ENOX1: variants seen among roughly 807,000 people sequenced by gnomAD.
ENOX1 encodes the protein ecto-NOX disulfide-thiol exchanger 1, also known as candidate growth-related and time keeping constitutive hydroquinone (NADH) oxidase.
ENOX1 carries 42 observed loss-of-function variants against 82.5 expected under a neutral mutation model. That is an observed-to-expected ratio of 0.51 (90% CI 0.40 to 0.66). The LOEUF is 0.66. ENOX1 is among the 30% of genes least tolerant of loss of function. The pLI, the probability that ENOX1 is intolerant of heterozygous loss-of-function variation, is 0.00. For synonymous variants in ENOX1, 271 were observed against 282.2 expected, an observed-to-expected ratio of 0.96 and a Z score of 0.40; for missense variants, 608 against 811.6, an observed-to-expected ratio of 0.75 and a Z score of 3.05.
intron 2 of ENOX1, among the ~76,000 whole-genome samples, chr13:43,562,133 A>G (rs1465560762): frequency 6.6e-6 from 1 of 152,166 alleles, no homozygotes. Context: ...TAGAAAGATG[A>G]AAAAATGAAC....
rs545292824 is a variant in ENOX1, at chr13:43,245,498, G to A, written c.1612-8760C>T. 7.9e-4 allele frequency among the ~76,000 whole-genome samples: 121 copies of A among 152,344 alleles called. 1 individual carries two copies. The highest frequency in any genetic ancestry group is 2.8e-3 in the African/African-American group (118 of 41,584). On this transcript the variant is annotated intron_variant, in intron 14 of 16. Transcript: ENST00000690772. ...ATGAGGAAAGGATTGATGAGCATGA[G>A]TGACTAAGCTTTAGAATTTTTTATG... is the stretch of plus-strand genomic sequence containing the variant.
In ENOX1 at chr13:43,734,199, G is replaced by GGTTGTT. The variant is rs143259339; in HGVS notation, c.-285+52447_-285+52452dup. Reference sequence around the variant, plus strand: ...GGAACTAAGAGACAATTTTGTTGTTGGTTGTTGTTGTTGTTGTTGTTGTTG... The same window carrying GGTTGTT: ...GGAACTAAGAGACAATTTTGTTGTTGGTTGTTGTTGTTGTTGTTGTTGTTGTTGTTG... On this transcript the variant is annotated intron_variant, in intron 1 of 16. Transcript: ENST00000690772. 4.0e-3 allele frequency among the ~76,000 whole-genome samples: 601 copies of GGTTGTT among 151,108 alleles called. 8 individuals are homozygous for GGTTGTT. The highest frequency in any genetic ancestry group is 0.014 in the African/African-American group (554 of 40,984).
rs964056373 is a variant in ENOX1 at position 43,720,430 on chromosome 13, C to T, written c.-284-52886G>A. 6.7e-4 allele frequency among the ~76,000 whole-genome samples: 102 copies of T among 152,300 alleles called. 1 individual carries two copies. Among genetic ancestry groups the T allele is most frequent in the Non-Finnish European group, 2.9e-4 (20 of 68,034 alleles). ...TCAAAATCACCTCCTTGAAAGTTTG[C>T]CCACTCTTCCCAGGTGCCCAAGCCC... On this transcript the variant is annotated intron_variant, in intron 1 of 16. Transcript: ENST00000690772.
intron 9 of ENOX1, among the ~76,000 whole-genome samples, chr13:43,330,900 A>G (rs746250072): frequency 2.6e-5 from 4 of 152,216 alleles, no homozygotes; most frequent in Admixed American, 6.5e-5. Context: ...AAACAAACCC[A>G]TAAGACTAAT....
chr13:43,344,548 A>C lies in ENOX1; in HGVS notation c.1026T>G (p.Ile342Met). ...CAAAATTTTACTTACATTGAGTGAGAATCCCAGTTAAGGCATTTTTAAAAT... is the reference window on the plus strand; with the variant it reads ...CAAAATTTTACTTACATTGAGTGAGCATCCCAGTTAAGGCATTTTTAAAAT... The part of the protein sequence containing the change: ...KENFKNALTG[I>M]LTQFEQIVAV... The change falls in exon 9 of 17, where the codon ATT becomes ATG. Residue 342 changes from isoleucine to methionine, a missense_variant. Transcript: ENST00000690772. 2 of 1,613,898 alleles carry C rather than the reference A, an allele frequency of 1.2e-6. No individual in the cohort carries two copies. The highest frequency in any genetic ancestry group is 1.7e-6 in the Non-Finnish European group (2 of 1,179,844).
At chr13:43,692,147 G>A (rs774188401) in intron 1 of ENOX1, among the ~76,000 whole-genome samples, 2 of 152,170 alleles carry the variant, frequency 1.3e-5, no homozygotes, top group Non-Finnish European at 2.9e-5. Context: ...AAGAGAACTT[G>A]ACCTAAGGAT....
chr13:43,739,511 T>C (rs560912120), intron 1 of ENOX1, among the ~76,000 whole-genome samples: 4 of 152,068 alleles, frequency 2.6e-5, no homozygotes, highest in East Asian at 1.9e-4. Context: ...ATAGCACCAC[T>C]GCACTCCAGC....
At chr13:43,732,269 C>T (rs1040883188) in intron 1 of ENOX1, among the ~76,000 whole-genome samples, 2 of 152,136 alleles carry the variant, frequency 1.3e-5, no homozygotes, top group African/African-American at 4.8e-5. Flanking sequence ...TGTTTTATGA[C>T]ACAAAAATTT....
At chr13:43,524,420 T>C (rs1258145243) in intron 2 of ENOX1, among the ~76,000 whole-genome samples, 4 of 152,094 alleles carry the variant, frequency 2.6e-5, no homozygotes, top group Non-Finnish European at 4.4e-5. Flanking sequence ...CAAATCCTTA[T>C]AGTCACTCTT....
At chr13:43,672,535 T>C (rs915642201) in intron 1 of ENOX1, among the ~76,000 whole-genome samples, 11 of 152,200 alleles carry the variant, frequency 7.2e-5, no homozygotes, top group African/African-American at 2.4e-4. Context: ...CTCTTTTTAA[T>C]GTCTTCTTTA....
chr13:43,628,722 T>C (rs898279974), intron 2 of ENOX1, among the ~76,000 whole-genome samples: 1 of 152,236 alleles, frequency 6.6e-6, no homozygotes, highest in Non-Finnish European at 1.5e-5. Context: ...TTGAACCTTA[T>C]TTAAACCTTC....
chr13:43,520,522 G>A (rs1489665127), intron 2 of ENOX1, among the ~76,000 whole-genome samples: 2 of 152,146 alleles, frequency 1.3e-5, no homozygotes, highest in African/African-American at 4.8e-5. Flanking sequence ...CTAGCTGGGT[G>A]GGGCCCAAAA....
At chr13:43,333,294 T>G (rs1329604946) in intron 9 of ENOX1, among the ~76,000 whole-genome samples, 1 of 152,232 alleles carries the variant, frequency 6.6e-6, no homozygotes, top group African/African-American at 2.4e-5. Context: ...AGTTTGTTTC[T>G]CTTACCCTTT....
chr13:43,312,178 G>A (rs2047241007), intron 11 of ENOX1, among the ~76,000 whole-genome samples: 1 of 152,134 alleles, frequency 6.6e-6, no homozygotes, highest in South Asian at 2.1e-4. Context: ...GGACATTGGG[G>A]GAAGGGAGAA....
intron 3 of ENOX1, 57 bp from the exon 4 acceptor site, chr13:43,413,045 G>A (rs1209404143): frequency 9.3e-6 from 13 of 1,403,318 alleles, no homozygotes; most frequent in South Asian, 4.9e-5. Flanking sequence ...GAGATAAAAC[G>A]TCAAGGAACA....
chr13:43,285,564 T>A (rs2045645196), intron 12 of ENOX1, among the ~76,000 whole-genome samples: 1 of 152,092 alleles, frequency 6.6e-6, no homozygotes, highest in African/African-American at 2.4e-5. Flanking sequence ...AGAAGGATTT[T>A]TTTTGCCGAG....
chr13:43,248,313 C>T (rs527897709), intron 14 of ENOX1, among the ~76,000 whole-genome samples: 87 of 152,122 alleles, frequency 5.7e-4, no homozygotes, highest in African/African-American at 2.0e-3. Context: ...AGGGTTTGGT[C>T]AGTACCCTGG....
In ENOX1 at chr13:43,459,775, C is replaced by T. The variant is rs569934788; in HGVS notation, c.-75+24234G>A. Among the ~76,000 whole-genome samples the T allele has an allele frequency of 2.6e-5, 4 of 152,254 alleles. No homozygotes were observed. The South Asian group carries it at 6.2e-4, about 24-fold the overall frequency. ...TTGGGAGGCTGAGACGGGTGGATCA[C>T]GAGGTCAGGAGTCTGAGGCCAGCCT... On this transcript the variant is annotated intron_variant, in intron 3 of 16. Coordinates refer to ENST00000690772, the MANE Select transcript of ENOX1 (RefSeq NM_001347969.2).
intron 14 of ENOX1, among the ~76,000 whole-genome samples, chr13:43,256,764 A>G (rs1266632670): frequency 6.6e-6 from 1 of 152,238 alleles, no homozygotes; most frequent in African/African-American, 2.4e-5. Flanking sequence ...TTTCTTCAGA[A>G]AAGTAAAAAT....
Sources: allele counts gnomAD v4.1 joint callset (sites outside exome capture counted in the v4.1 genomes callset), GRCh38; gene constraint gnomAD v4.1.1; transcripts MANE v1.5; gene names NCBI Gene and HGNC (gene_info 2026-07-23, HGNC 2026-07-21).